The following CAT variants were observed in gnomAD, a reference collection of about 807,000 sequenced individuals.
CAT encodes epididymis secretory sperm binding protein.
CAT carries 43 observed loss-of-function variants against 59.0 expected under a neutral mutation model. The ratio of observed to expected loss-of-function variants is 0.73; its 90% CI spans 0.57 to 0.94. The LOEUF (loss-of-function observed/expected upper bound fraction) is 0.94, where lower values mean the gene tolerates loss of function less well. CAT is among the 40% of genes least tolerant of loss of function. The pLI is 0.00. For synonymous variants in CAT, 218 were observed against 230.9 expected (o/e 0.94, Z 0.51); for missense variants, 664 against 682.9 (o/e 0.97, Z 0.31).
intron 1 of CAT, among the ~76,000 whole-genome samples, chr11:34,442,107 A>G (rs1427216282): frequency 6.6e-6 from 1 of 152,202 alleles, no homozygotes; most frequent in Non-Finnish European, 1.5e-5. Flanking sequence ...ATGACTAATG[A>G]TGCAAAGCAT....
Position 34,471,739 on chromosome 11 carries a change from T to A in CAT, c.*306T>A. 1 of 396,946 alleles carries A rather than the reference T, an allele frequency of 2.5e-6. No homozygotes were observed. 24.6% of individuals were successfully genotyped at this position (396,946 alleles called of 1,614,324 possible). On this transcript the variant is annotated 3_prime_UTR_variant, in exon 13 of 13. Coordinates refer to ENST00000241052, the MANE Select transcript of CAT (RefSeq NM_001752.4). ...TATGATTTTATTTGACAAAATTTGT[T>A]GAAATTATGTATGTTTACATATCAC...
chr11:34,453,721 GA>G, intron 5 of CAT, 79 bp from the exon 6 acceptor site: 1 of 1,378,042 alleles, frequency 7.3e-7, no homozygotes, highest in Non-Finnish European at 1.0e-6. Context: ...GGACTTTCTG[GA>G]AACTAAGGAA....
rs1351995713 is a variant in CAT, at chr11:34,453,289, A to G, written c.585+95A>G. 4.8e-6 allele frequency: 4 copies of G among 825,584 alleles called. No individual in the cohort carries two copies. The Admixed American group carries it at 5.2e-5, about 11-fold the overall frequency. The allele number at this position is 825,584 out of a possible 1,614,324, so 51.1% of individuals were successfully genotyped here. The stretch of plus-strand genomic sequence containing the variant: ...GTGTCTCTCCAGTTTTGGCTATTTT[A>G]TTGGAATCAGCTTCCTCAGATTTCT... On this transcript the variant is annotated intron_variant, in intron 5 of 12. Coordinates refer to ENST00000241052, the MANE Select transcript of CAT (RefSeq NM_001752.4).
In CAT at chr11:34,451,116, C is replaced by T. The variant is rs113919525; in HGVS notation, c.349+18C>T. On this transcript the variant is annotated intron_variant, in intron 3 of 12. Coordinates refer to ENST00000241052, the MANE Select transcript of CAT (RefSeq NM_001752.4). ...CACTGTTGGTAAGTTGGTTTATTGGCGTGATTGGTATGGCTTAACTCAACT... is the reference window on the plus strand; with the variant it reads ...CACTGTTGGTAAGTTGGTTTATTGGTGTGATTGGTATGGCTTAACTCAACT... The T allele has an allele frequency of 3.4e-5, 48 of 1,403,886 alleles. No homozygotes were observed. In the Middle Eastern group the frequency reaches 5.3e-4, roughly 15 times the overall value. The allele number at this position is 1,403,886 out of a possible 1,614,324, so 87.0% of individuals were successfully genotyped here.
intron 2 of CAT, among the ~76,000 whole-genome samples, chr11:34,450,467 C>G (rs1590301385): frequency 6.6e-6 from 1 of 152,210 alleles, no homozygotes; most frequent in African/African-American, 2.4e-5. Context: ...AGCTTGCTGA[C>G]TTGGACTTCC....
chr11:34,460,961 A>G (rs553249801), intron 8 of CAT: 7 of 453,058 alleles, frequency 1.5e-5, no homozygotes, highest in Non-Finnish European at 2.8e-5. Context: ...ACTGTATAAG[A>G]CAAGACACTA....
At chr11:34,440,100 C>A (rs1471737474) in intron 1 of CAT, among the ~76,000 whole-genome samples, 1 of 152,168 alleles carries the variant, frequency 6.6e-6, no homozygotes, top group Non-Finnish European at 1.5e-5. Context: ...TTGCCCTGTT[C>A]CCTGGCTGCT....
chr11:34,470,909 A>G, intron 11 of CAT, 49 bp from the exon 12 acceptor site: 1 of 1,430,038 alleles, frequency 7.0e-7, no homozygotes, highest in Non-Finnish European at 9.9e-7. Flanking sequence ...GGGGAGTGAT[A>G]TAGTAGGGAG....
chr11:34,446,488 C>T (rs1427567764), intron 1 of CAT, among the ~76,000 whole-genome samples: 1 of 152,174 alleles, frequency 6.6e-6, no homozygotes, highest in African/African-American at 2.4e-5. Flanking sequence ...GAAAGACCAC[C>T]TCAAGCTTTA....
intron 6 of CAT, among the ~76,000 whole-genome samples, chr11:34,454,916 T>C (rs1856571533): frequency 6.6e-6 from 1 of 152,222 alleles, no homozygotes; most frequent in African/African-American, 2.4e-5. Flanking sequence ...TTCTTTTCAC[T>C]GTGAAGTTGG....
intron 8 of CAT, among the ~76,000 whole-genome samples, chr11:34,458,005 C>T (rs1249584110): frequency 2.0e-5 from 3 of 152,220 alleles, no homozygotes; most frequent in African/African-American, 7.2e-5. Context: ...TCAACTGTTA[C>T]AAATTGAGTA....
At chr11:34,459,062 G>A (rs531833630) in intron 8 of CAT, among the ~76,000 whole-genome samples, 1 of 152,050 alleles carries the variant, frequency 6.6e-6, no homozygotes, top group African/African-American at 2.4e-5. Flanking sequence ...TCATAAGTTT[G>A]TCGAGTTATT....
At chr11:34,465,506 G>T (rs1856704209) in intron 10 of CAT, among the ~76,000 whole-genome samples, 2 of 152,060 alleles carry the variant, frequency 1.3e-5, no homozygotes, top group Non-Finnish European at 2.9e-5. Flanking sequence ...CCTATGTGAG[G>T]TCAATACAGG....
chr11:34,466,490 T>C (rs768659395), intron 10 of CAT, among the ~76,000 whole-genome samples: 1 of 151,704 alleles, frequency 6.6e-6, no homozygotes, highest in Non-Finnish European at 1.5e-5. Context: ...TTTGAGAAAA[T>C]AGATGGGCTG....
At chr11:34,455,013 A>C (rs1451779870) in intron 6 of CAT, among the ~76,000 whole-genome samples, 1 of 152,220 alleles carries the variant, frequency 6.6e-6, no homozygotes, top group Non-Finnish European at 1.5e-5. Flanking sequence ...CCTGAGATCT[A>C]CATGGATTCA....
At chr11:34,444,741 T>A (rs951335209) in intron 1 of CAT, among the ~76,000 whole-genome samples, 5 of 152,196 alleles carry the variant, frequency 3.3e-5, no homozygotes, top group Admixed American at 3.3e-4. Context: ...AAGTGTAATA[T>A]GTTGATAAAA....
At chr11:34,445,495 CAAAAAA>C (rs58169234) in intron 1 of CAT, among the ~76,000 whole-genome samples, 127 of 36,346 alleles carry the variant, frequency 3.5e-3, no homozygotes, top group African/African-American at 0.014. Flanking sequence ...GACTCCATCT[CAAAAAA>C]AAAAAAAAAA....
intron 8 of CAT, chr11:34,457,031 G>T: frequency 1.7e-6 from 1 of 572,786 alleles, no homozygotes; most frequent in Non-Finnish European, 3.1e-6. Flanking sequence ...AAAGTCCATG[G>T]TAAGATCCCT....
At chr11:34,465,190 T>A (rs575788312) in intron 10 of CAT, among the ~76,000 whole-genome samples, 43 of 152,366 alleles carry the variant, frequency 2.8e-4, no homozygotes, top group African/African-American at 9.6e-4. Context: ...GCAGTTAGTG[T>A]TAAACTTAGT....
Sources: allele counts gnomAD v4.1 joint callset (sites outside exome capture counted in the v4.1 genomes callset), GRCh38; gene constraint gnomAD v4.1.1; transcripts MANE v1.5; gene names NCBI Gene and HGNC (gene_info 2026-07-23, HGNC 2026-07-21).